The following AP1G2 variants were observed in gnomAD, a reference collection of about 807,000 sequenced individuals.
The protein encoded by AP1G2 is adaptor related protein complex 1 subunit gamma 2.
AP1G2 carries 85 observed loss-of-function variants against 95.8 expected under a neutral mutation model. That is an observed-to-expected ratio of 0.89 (90% CI 0.74 to 1.06). AP1G2 has a LOEUF of 1.06. Among genes scored for constraint, AP1G2 ranks in the 50% least tolerant of loss-of-function variants. The pLI is 0.00. For missense variants in AP1G2, 967 were observed against 1,005.8 expected, an observed-to-expected ratio of 0.96 and a Z score of 0.52; for synonymous variants, 378 against 400.0, an observed-to-expected ratio of 0.94 and a Z score of 0.66.
intron 17 of AP1G2, 137 bp from the exon 18 acceptor site, chr14:23,561,772 ATGT>A: frequency 1.1e-5 from 16 of 1,469,618 alleles, no homozygotes; most frequent in South Asian, 5.5e-5. Flanking sequence ...CTAAAATGAC[ATGT>A]TGTTGCTGAT....
chr14:23,567,420 C>T lies in AP1G2; in HGVS notation c.-5-101G>A. On this transcript the variant is annotated intron_variant, in intron 1 of 21. Coordinates refer to ENST00000397120, the MANE Select transcript of AP1G2 (RefSeq NM_003917.5). The surrounding 1 kb of genome is among the most constrained non-coding windows in gnomAD (Gnocchi z 5.3). ...CAAGACCCTAAGAGCCCGGGTCCCA[C>T]AGGTACCCTAAAATTGCGCCCGCAT... is the stretch of plus-strand genomic sequence containing the variant. The T allele has an allele frequency of 2.8e-6, 4 of 1,440,426 alleles. No homozygotes were observed. Among genetic ancestry groups the T allele is most frequent in the African/African-American group, 1.5e-5 (1 of 67,684 alleles). 89.2% of individuals were successfully genotyped at this position (1,440,426 alleles called of 1,614,324 possible).
intron 7 of AP1G2, 190 bp downstream of exon 7, chr14:23,565,416 G>C (rs1327732028): frequency 2.8e-6 from 2 of 717,956 alleles, no homozygotes; most frequent in Non-Finnish European, 4.6e-6. Context: ...TTAACAAACT[G>C]TATTTTCCTG....
In AP1G2 at chr14:23,563,630, G is replaced by T; in HGVS notation, c.1241C>A (p.Pro414Gln). The T allele has an allele frequency of 1.9e-6, 3 of 1,614,198 alleles. No individual in the cohort carries two copies. Among genetic ancestry groups the T allele is most frequent in the Non-Finnish European group, 2.5e-6 (3 of 1,180,034 alleles). Residue 414 changes from proline to glutamine, a missense_variant, in exon 13 of 22, where the codon CCA becomes CAA. Pro to Gln is a moderately conservative substitution (Grantham distance 76). Transcript: ENST00000397120. The part of the protein sequence containing the change: ...GILLAAERFA[P>Q]TKRWHIDTIL... ...GGTGTCTATGTGCCAGCGTTTGGTT[G>T]GAGCAAACCTAGGGGATATATGGCT...
Position 23,562,387 on chromosome 14 carries a change from AG to A in AP1G2, c.1528del (p.Leu510TrpfsTer23), listed in dbSNP as rs1381794343. Reference protein sequence around the residue: ...QVDEEEVLALLEKVLQSHMSL... With the variant: ...QVDEEEVLALXEKVLQSHMSL... ...CATGTGGGACTGCAGCACCTTTTCC[AG>A]CAATGCCAGCACTTCCTCTTCGTCC... On this transcript the variant is annotated frameshift_variant, in exon 16 of 22. Coordinates refer to ENST00000397120, the MANE Select transcript of AP1G2 (RefSeq NM_003917.5). LOFTEE classifies it high-confidence loss of function. 6.8e-6 allele frequency: 11 copies of A among 1,614,026 alleles called. No individual in the cohort carries two copies. The highest frequency in any genetic ancestry group is 9.3e-6 in the Non-Finnish European group (11 of 1,180,028).
Position 23,562,388 on chromosome 14 carries a change from G to C in AP1G2, c.1528C>G (p.Leu510Val). Residue 510 changes from leucine to valine, a missense_variant, in exon 16 of 22, where the codon CTG (leucine) becomes GTG (valine). Coordinates refer to ENST00000397120, the MANE Select transcript of AP1G2 (RefSeq NM_003917.5). Reference protein sequence around the residue: ...QVDEEEVLALLEKVLQSHMSL... With the variant: ...QVDEEEVLALVEKVLQSHMSL... ...ATGTGGGACTGCAGCACCTTTTCCA[G>C]CAATGCCAGCACTTCCTCTTCGTCC... The C allele has an allele frequency of 6.2e-7, 1 of 1,614,148 alleles. No individual in the cohort carries two copies. Among genetic ancestry groups the C allele is most frequent in the African/African-American group, 1.3e-5 (1 of 75,026 alleles).
At chr14:23,563,078 C>T in intron 14 of AP1G2, 1 of 1,299,310 alleles carries the variant, frequency 7.7e-7, no homozygotes, top group South Asian at 1.8e-5. Flanking sequence ...ATTCAGCATT[C>T]AAGGTAATAA....
intron 4 of AP1G2, 56 bp downstream of exon 4, chr14:23,566,222 T>C (rs1595366954): frequency 1.1e-5 from 18 of 1,607,056 alleles, no homozygotes; most frequent in Admixed American, 8.4e-5. Flanking sequence ...TCTACTACTA[T>C]ATAGCACGCA....
At position 23,567,019 on chromosome 14, in the gene AP1G2, T is replaced by A; in HGVS notation, c.204+92A>T. ...GTGAAGACTCTGAAATTGTAGAATT[T>A]AAAAAACCAGGGCATAAACAGGTGA... On this transcript the variant is annotated intron_variant, in intron 2 of 21. Transcript: ENST00000397120. The surrounding 1 kb of genome is among the most constrained non-coding windows in gnomAD (Gnocchi z 5.3). 1 of 1,367,408 alleles carries A rather than the reference T, an allele frequency of 7.3e-7. No individual in the cohort carries two copies. Among genetic ancestry groups the A allele is most frequent in the Non-Finnish European group, 9.9e-7 (1 of 1,012,274 alleles). 84.7% of individuals were successfully genotyped at this position (1,367,408 alleles called of 1,614,324 possible). A position where few individuals can be genotyped will look rare whatever the true frequency, so the allele number is the denominator to read the frequency against.
At chr14:23,562,120 G>C in intron 16 of AP1G2, 54 bp from the exon 17 acceptor site, 1 of 1,603,298 alleles carries the variant, frequency 6.2e-7, no homozygotes, top group Admixed American at 1.7e-5. Flanking sequence ...GCAGGATGTG[G>C]CAAGAAGGAA....
At position 23,567,524 on chromosome 14, in the gene AP1G2, C is replaced by A. The variant is rs753203341; in HGVS notation, c.-5-205G>T. The A allele has an allele frequency of 2.5e-5, 34 of 1,360,278 alleles. No individual in the cohort carries two copies. The highest frequency in any genetic ancestry group is 3.9e-5 in the Admixed American group (1 of 25,960). 84.3% of individuals were successfully genotyped at this position (1,360,278 alleles called of 1,614,324 possible). A position where few individuals can be genotyped will look rare whatever the true frequency, so the allele number is the denominator to read the frequency against. On this transcript the variant is annotated intron_variant, in intron 1 of 21. Coordinates refer to ENST00000397120, the MANE Select transcript of AP1G2 (RefSeq NM_003917.5). The surrounding 1 kb of genome is among the most constrained non-coding windows in gnomAD (Gnocchi z 5.3). ...AAGCCCACTACGCATGCGTCCGCAC[C>A]CCACCGGCGCCCCTTCCTATTGAGC...
chr14:23,559,647 C>A lies in AP1G2; in HGVS notation c.*102G>T. 2 of 1,067,824 alleles carry A rather than the reference C, an allele frequency of 1.9e-6. No homozygotes were observed. Among genetic ancestry groups the A allele is most frequent in the Admixed American group, 2.0e-5 (1 of 49,966 alleles). The allele number at this position is 1,067,824 out of a possible 1,614,324, so 66.1% of individuals were successfully genotyped here. On this transcript the variant is annotated 3_prime_UTR_variant, in exon 22 of 22. Transcript: ENST00000397120. ...GGTCCCCAGTTTTTGCAGTGCAAAGCCAGAGCGCCACCTGCTGGTAGCCCT... is the reference window on the plus strand; with the variant it reads ...GGTCCCCAGTTTTTGCAGTGCAAAGACAGAGCGCCACCTGCTGGTAGCCCT...
rs1888769730 is a variant in AP1G2 at position 23,567,741 on chromosome 14, G to A, written c.-8C>T. 2.0e-6 allele frequency: 2 copies of A among 985,142 alleles called. No individual in the cohort carries two copies. Among genetic ancestry groups the A allele is most frequent in the African/African-American group, 1.7e-5 (1 of 57,240 alleles). The allele number at this position is 985,142 out of a possible 1,614,324, so 61.0% of individuals were successfully genotyped here. A position where few individuals can be genotyped will look rare whatever the true frequency, so the allele number is the denominator to read the frequency against. ...CTACCCCAGGACTCCAGCCTCACCT[G>A]GCTTCTGCCTCAACTCCGCTCCTCT... On this transcript the variant is annotated splice_region_variant and 5_prime_UTR_variant, in exon 1 of 22. Coordinates refer to ENST00000397120, the MANE Select transcript of AP1G2 (RefSeq NM_003917.5). The surrounding 1 kb of genome is among the most constrained non-coding windows in gnomAD (Gnocchi z 5.3).
rs767102925 is a variant in AP1G2, at chr14:23,562,556, T to G, written c.1448A>C (p.Glu483Ala). The change falls in exon 15 of 22, where the codon GAG becomes GCG. Residue 483 changes from glutamate to alanine, a missense_variant. Coordinates refer to ENST00000397120, the MANE Select transcript of AP1G2 (RefSeq NM_003917.5). ...CCCTGCCAGCAGGAGGTCCCCATAC[T>G]CCCCAATGCACCAGGCTGCCACCTG... ...LVQVAAWCIG[E>A]YGDLLLAGNC... 6.2e-7 allele frequency: 1 copy of G among 1,613,962 alleles called. No individual in the cohort carries two copies. The highest frequency in any genetic ancestry group is 8.5e-7 in the Non-Finnish European group (1 of 1,179,998).
intron 14 of AP1G2, chr14:23,563,027 G>A: frequency 8.8e-7 from 1 of 1,138,738 alleles, no homozygotes; most frequent in South Asian, 2.1e-5. Flanking sequence ...TAATTAAGAT[G>A]GAAAAGGGGG....
chr14:23,560,501 C>T (rs1883736452), intron 19 of AP1G2, 83 bp from the exon 20 acceptor site: 2 of 1,413,078 alleles, frequency 1.4e-6, no homozygotes, highest in Non-Finnish European at 1.9e-6. Flanking sequence ...ATTGAGTAAA[C>T]ACCTACTGGC....
At position 23,563,757 on chromosome 14, in the gene AP1G2, T is replaced by C. The variant is rs996262752; in HGVS notation, c.1191A>G (p.Leu397=). The C allele has an allele frequency of 5.0e-6, 8 of 1,614,054 alleles. No individual in the cohort carries two copies. Among genetic ancestry groups the C allele is most frequent in the Admixed American group, 1.7e-5 (1 of 60,008 alleles). ...QAFLESCPPD[L]RADCASGILL... is the part of the protein sequence containing the mutation. ...GGATGCCTGAGGCACAGTCAGCCCGTAGGTCAGGAGGGCAGGACTCCAGAA... is the reference window on the plus strand; with the variant it reads ...GGATGCCTGAGGCACAGTCAGCCCGCAGGTCAGGAGGGCAGGACTCCAGAA... The change falls in exon 12 of 22, where the codon CTA becomes CTG. Residue 397 remains leucine (L), a synonymous_variant. Transcript: ENST00000397120.
At chr14:23,565,239 A>C in intron 7 of AP1G2, 40 bp from the exon 8 acceptor site, 1 of 1,597,344 alleles carries the variant, frequency 6.3e-7, no homozygotes, top group South Asian at 1.1e-5. Flanking sequence ...AGGGGTTCAT[A>C]GGATAAGGAG....
At chr14:23,563,317 G>A (rs1459419900) in intron 14 of AP1G2, 63 bp downstream of exon 14, 42 of 1,547,486 alleles carry the variant, frequency 2.7e-5, no homozygotes, top group Non-Finnish European at 3.7e-5. Context: ...TAGGGAGGAG[G>A]TGGCCCAGGA....
rs753295720 is a variant in AP1G2 at position 23,565,919 on chromosome 14, G to T, written c.569-27C>A. On this transcript the variant is annotated intron_variant, in intron 5 of 21. Transcript: ENST00000397120. ...TGGGGTCAGCGTCGGGGAAGTGAAT[G>T]GTGGGGGCCAGGGGCAAGAGAGTCT... 4.4e-6 allele frequency: 7 copies of T among 1,600,072 alleles called. No homozygotes were observed. The Admixed American group carries it at 1.2e-4, about 27-fold the overall frequency.
Sources: gnomAD v4.1 joint callset for allele counts on GRCh38, gnomAD v4.1.1 for gene constraint, Gnocchi (gnomAD v3.1) non-coding constraint, MANE v1.5 for transcripts, NCBI Gene and HGNC (gene_info 2026-07-23, HGNC 2026-07-21) for gene names.